Variants in DKK3 observed in about 807,000 individuals in gnomAD.
The protein encoded by DKK3 is dickkopf-related protein 3.
Under a neutral mutation model 33.2 loss-of-function variants are expected in DKK3, and 22 were observed. The ratio of observed to expected loss-of-function variants is 0.66; its 90% CI spans 0.47 to 0.95. The LOEUF (loss-of-function observed/expected upper bound fraction) is 0.95. DKK3 is among the 40% of genes least tolerant of loss of function. DKK3 has a pLI of 0.00. For missense variants in DKK3, 398 were observed against 458.4 expected (o/e 0.87, Z 1.20); for synonymous variants, 194 against 188.8 (o/e 1.03, Z -0.23).
intron 1 of DKK3, among the ~76,000 whole-genome samples, chr11:12,003,132 C>A (rs907685657): frequency 4.6e-5 from 7 of 152,236 alleles, no homozygotes; most frequent in Non-Finnish European, 8.8e-5. Context: ...TTTCATCACA[C>A]TTTCCCACTT....
At chr11:11,997,128 T>C (rs1448293994) in intron 3 of DKK3, among the ~76,000 whole-genome samples, 3 of 152,200 alleles carry the variant, frequency 2.0e-5, no homozygotes, top group Non-Finnish European at 4.4e-5. Flanking sequence ...TGTGGCAGCC[T>C]CATGTATCCT....
chr11:11,966,902 G>T, intron 5 of DKK3, 52 bp downstream of exon 5: 1 of 1,599,634 alleles, frequency 6.3e-7, no homozygotes, highest in South Asian at 1.1e-5. Flanking sequence ...GAGGTCCAGT[G>T]TGGTGGAGCT....
intron 1 of DKK3, among the ~76,000 whole-genome samples, 180 bp from the exon 2 acceptor site, chr11:12,002,617 CA>C (rs2046426375): frequency 6.6e-6 from 1 of 152,170 alleles, no homozygotes; most frequent in African/African-American, 2.4e-5. Flanking sequence ...ACATATATTA[CA>C]GCACTGAAAT....
At chr11:11,969,263 C>A (rs1047013126) in intron 3 of DKK3, among the ~76,000 whole-genome samples, 11 of 152,216 alleles carry the variant, frequency 7.2e-5, no homozygotes, top group Non-Finnish European at 1.2e-4. Context: ...CCTGGACCTG[C>A]TGTCAGGCTC....
At chr11:11,966,628 G>A (rs1286159504) in intron 5 of DKK3, among the ~76,000 whole-genome samples, 1 of 152,162 alleles carries the variant, frequency 6.6e-6, no homozygotes, top group African/African-American at 2.4e-5. Context: ...AGATGGGAGT[G>A]GAAGCGGGTG....
intron 3 of DKK3, among the ~76,000 whole-genome samples, chr11:11,974,081 C>T (rs1847781512): frequency 2.0e-5 from 3 of 152,232 alleles, no homozygotes; most frequent in Admixed American, 2.0e-4. Flanking sequence ...CCAGGGCCTT[C>T]CCCAAGCTCC....
At chr11:11,998,653 G>A (rs751062890) in intron 3 of DKK3, 43 bp downstream of exon 3, 35 of 1,551,408 alleles carry the variant, frequency 2.3e-5, no homozygotes, top group African/African-American at 4.1e-5. Context: ...GAAAATGAAA[G>A]TGAGTGTGTC....
chr11:12,002,272 A>G (rs1441758170), intron 2 of DKK3, 28 bp downstream of exon 2: 4 of 1,607,114 alleles, frequency 2.5e-6, no homozygotes, highest in Non-Finnish European at 3.4e-6. Context: ...GACGCTATAG[A>G]AAGGAGGAAG....
chr11:11,994,404 A>C (rs993033096), intron 3 of DKK3, among the ~76,000 whole-genome samples: 6 of 152,032 alleles, frequency 3.9e-5, no homozygotes, highest in African/African-American at 1.5e-4. Flanking sequence ...TCTGCATCTC[A>C]CCTTCTTCAA....
intron 5 of DKK3, 87 bp from the exon 6 acceptor site, chr11:11,966,052 C>T: frequency 7.0e-7 from 1 of 1,431,190 alleles, no homozygotes; most frequent in Non-Finnish European, 9.3e-7. Flanking sequence ...AGCATAACCT[C>T]CCACCTCCCA....
chr11:11,965,688 A>C (rs1847571919), intron 6 of DKK3, 121 bp downstream of exon 6: 2 of 1,311,546 alleles, frequency 1.5e-6, no homozygotes, highest in Admixed American at 5.2e-5. Context: ...CGACCTCTCA[A>C]ACCAATCCTA....
intron 3 of DKK3, among the ~76,000 whole-genome samples, chr11:11,988,023 G>A (rs1450145546): frequency 3.9e-5 from 6 of 152,044 alleles, no homozygotes; most frequent in African/African-American, 1.4e-4. Flanking sequence ...TACCCTCCTC[G>A]GGCAGTCATT....
At chr11:11,985,965 A>G (rs963541024) in intron 3 of DKK3, among the ~76,000 whole-genome samples, 1 of 152,166 alleles carries the variant, frequency 6.6e-6, no homozygotes, top group Non-Finnish European at 1.5e-5. Context: ...GGAGGTCCCC[A>G]TAGATTTAAT....
chr11:11,978,483 TTCC>T lies in DKK3; in HGVS notation c.436-9999_436-9997del, dbSNP rs1847885580. On this transcript the variant is annotated intron_variant, in intron 3 of 6. Coordinates refer to ENST00000683431, the MANE Select transcript of DKK3 (RefSeq NM_001018057.2). Reference sequence around the variant, plus strand: ...CTCCTTCCTCCACTTCTTCTTTTTCTTCCTCTTCTTCTTCTTCTTTCTTCTTTC... The same window carrying T: ...CTCCTTCCTCCACTTCTTCTTTTTCTTCTTCTTCTTCTTCTTTCTTCTTTC... Among the ~76,000 whole-genome samples, 6 of 99,326 alleles carry T rather than the reference TTCC, an allele frequency of 6.0e-5. No individual in the cohort carries two copies. The Admixed American group carries it at 7.2e-4, about 12-fold the overall frequency. 65.2% of individuals were successfully genotyped at this position (99,326 alleles called of 152,430 possible). A position where few individuals can be genotyped will look rare whatever the true frequency, so the allele number is the denominator to read the frequency against.
chr11:12,007,695 A>G (rs1371940012), intron 1 of DKK3, among the ~76,000 whole-genome samples: 1 of 152,208 alleles, frequency 6.6e-6, no homozygotes, highest in African/African-American at 2.4e-5. Context: ...GGTGCAGGAT[A>G]TTAAGTGATT....
chr11:12,008,472 A>G lies in DKK3; in HGVS notation c.111T>C (p.Ala37=). ...TGGCCTCCTCCTGCGGGTAGCTGAG[A>G]GCCGGGCCGGGCTTGACTGGAGCCG... ...ATSAPVKPGP[A]LSYPQEEATL... The change falls in exon 1 of 7, where the codon GCT becomes GCC. Residue 37 remains alanine, a synonymous_variant. Transcript: ENST00000683431. The surrounding 1 kb of genome is among the most constrained non-coding windows in gnomAD (Gnocchi z 4.6). 1 of 1,607,872 alleles carries G rather than the reference A, an allele frequency of 6.2e-7. No individual in the cohort carries two copies. The highest frequency in any genetic ancestry group is 8.5e-7 in the Non-Finnish European group (1 of 1,179,238).
At chr11:11,987,458 G>T (rs1056746245) in intron 3 of DKK3, among the ~76,000 whole-genome samples, 1 of 152,186 alleles carries the variant, frequency 6.6e-6, no homozygotes, top group South Asian at 2.1e-4. Flanking sequence ...CAGGAGGTTT[G>T]GTCTGAAGCA....
At chr11:11,966,537 G>A (rs537341343) in intron 5 of DKK3, among the ~76,000 whole-genome samples, 2 of 152,230 alleles carry the variant, frequency 1.3e-5, no homozygotes, top group East Asian at 3.9e-4. Flanking sequence ...GAGCTGGGGA[G>A]GCGGCAAATG....
intron 1 of DKK3, among the ~76,000 whole-genome samples, chr11:12,006,076 GA>G (rs1338209608): frequency 6.6e-6 from 1 of 152,112 alleles, no homozygotes; most frequent in Admixed American, 6.5e-5. Context: ...ACCTCACAAT[GA>G]AGCTACCTGT....
Sources: gnomAD v4.1 joint callset for allele counts (sites outside exome capture counted in the v4.1 genomes callset) on GRCh38, gnomAD v4.1.1 for gene constraint, Gnocchi (gnomAD v3.1) non-coding constraint, MANE v1.5 for transcripts, NCBI Gene and HGNC (gene_info 2026-07-23, HGNC 2026-07-21) for gene names.